CNTNAP5: variants seen among roughly 807,000 people sequenced by gnomAD.
CNTNAP5 encodes contactin-associated protein-like 5.
A neutral mutation model predicts 150.2 loss-of-function variants in CNTNAP5; 72 were observed. The ratio of observed to expected loss-of-function variants is 0.48; its 90% CI spans 0.40 to 0.58. CNTNAP5 has a LOEUF of 0.58. Ranked by LOEUF, CNTNAP5 falls within the 20% of genes least tolerant of loss-of-function variation. The pLI, the probability that CNTNAP5 is intolerant of heterozygous loss-of-function variation, is 0.00. For missense variants in CNTNAP5, 1,636 were observed against 1,626.2 expected (o/e 1.01, Z -0.10); for synonymous variants, 672 against 619.8 (o/e 1.08, Z -1.25).
intron 10 of CNTNAP5, among the ~76,000 whole-genome samples, chr2:124,536,768 C>T (rs1234514787): frequency 2.0e-5 from 3 of 151,864 alleles, no homozygotes; most frequent in Admixed American, 6.6e-5. Flanking sequence ...GTTGGATTTA[C>T]GGGGGTCAAG....
chr2:124,240,072 T>C (rs1222760605), intron 2 of CNTNAP5, among the ~76,000 whole-genome samples: 1 of 152,162 alleles, frequency 6.6e-6, no homozygotes, highest in Non-Finnish European at 1.5e-5. Context: ...GGGTGCCAAA[T>C]TTTCCAAACT....
At chr2:124,865,217 C>T in intron 19 of CNTNAP5, 89 bp from the exon 20 acceptor site, 2 of 1,051,520 alleles carry the variant, frequency 1.9e-6, no homozygotes, top group South Asian at 3.4e-5. Context: ...ACCTGGGGCC[C>T]TAATAATCAA....
intron 13 of CNTNAP5, 104 bp from the exon 14 acceptor site, chr2:124,747,125 A>C (rs1680619313): frequency 2.9e-6 from 3 of 1,042,426 alleles, no homozygotes; most frequent in African/African-American, 1.6e-5. Flanking sequence ...GAGATTATCT[A>C]TATACATCTA....
At chr2:124,047,104 G>T (rs1011767357) in intron 1 of CNTNAP5, among the ~76,000 whole-genome samples, 4 of 152,102 alleles carry the variant, frequency 2.6e-5, no homozygotes, top group African/African-American at 9.7e-5. Flanking sequence ...CAAGTGATGA[G>T]GATGGCCTAA....
chr2:124,571,531 T>TTTTTTTTC (rs1558959195), intron 11 of CNTNAP5, among the ~76,000 whole-genome samples: 22 of 91,652 alleles, frequency 2.4e-4, no homozygotes, highest in Non-Finnish European at 4.5e-4. Context: ...TTTTTTCTTT[T>TTTTTTTTC]TTTTTTTTTT....
intron 1 of CNTNAP5, among the ~76,000 whole-genome samples, chr2:124,173,408 C>G (rs528765375): frequency 2.6e-5 from 4 of 152,170 alleles, no homozygotes; most frequent in Non-Finnish European, 4.4e-5. Flanking sequence ...TACCAGTTAG[C>G]TAAGTTCTGA....
chr2:124,038,226 C>T (rs986556034), intron 1 of CNTNAP5, among the ~76,000 whole-genome samples: 2 of 152,162 alleles, frequency 1.3e-5, no homozygotes, highest in Non-Finnish European at 2.9e-5. Context: ...CTTGTACATA[C>T]CTGCTTTCAT....
intron 21 of CNTNAP5, among the ~76,000 whole-genome samples, chr2:124,883,083 T>G (rs1168114561): frequency 6.6e-6 from 1 of 151,354 alleles, no homozygotes; most frequent in Non-Finnish European, 1.5e-5. Flanking sequence ...TTTTTTTTTT[T>G]TTTTTGAGAC....
intron 3 of CNTNAP5, among the ~76,000 whole-genome samples, chr2:124,334,396 G>C (rs1244497609): frequency 5.3e-5 from 8 of 152,030 alleles, no homozygotes; most frequent in Non-Finnish European, 1.5e-5. Context: ...TTTCAGAAAG[G>C]CCTATGGAGT....
chr2:124,417,515 G>T lies in CNTNAP5; in HGVS notation c.454G>T (p.Val152Phe). 3 of 1,613,868 alleles carry T rather than the reference G, an allele frequency of 1.9e-6. No individual in the cohort carries two copies. Among genetic ancestry groups the T allele is most frequent in the East Asian group, 2.2e-5 (1 of 44,850 alleles). Reference sequence around the variant, plus strand: ...ATTGCACTCAGTGAGAGCCCGATTTGTTCGCTTTGTGCCCCTGGAATGGAA... The same window carrying T: ...ATTGCACTCAGTGAGAGCCCGATTTTTTCGCTTTGTGCCCCTGGAATGGAA... ...KLLHSVRARF[V>F]RFVPLEWNPS... The change falls in exon 4 of 24, where the codon GTT becomes TTT. Residue 152 changes from valine (V) to phenylalanine (F), a missense_variant. By Grantham distance (50) the Val-to-Phe change is conservative. Transcript: ENST00000682447.
intron 1 of CNTNAP5, among the ~76,000 whole-genome samples, chr2:124,186,101 A>C (rs1317918002): frequency 6.6e-6 from 1 of 152,202 alleles, no homozygotes; most frequent in Non-Finnish European, 1.5e-5. Context: ...GCTGGGCCTT[A>C]GGGTCCTGAG....
At position 124,536,155 on chromosome 2, in the gene CNTNAP5, A is replaced by G. The variant is rs548594295; in HGVS notation, c.1649+8699A>G. ...ATGCTGTTCTCCCTTAACTCATGGG[A>G]TGGGGCCAAAATCAAAACAAGATCA... On this transcript the variant is annotated intron_variant, in intron 10 of 23. Coordinates refer to ENST00000682447, the MANE Select transcript of CNTNAP5 (RefSeq NM_001367498.1). Among the ~76,000 whole-genome samples, 182 of 152,298 alleles carry G rather than the reference A, an allele frequency of 1.2e-3. 2 individuals carry two copies. The highest frequency in any genetic ancestry group is 4.1e-3 in the African/African-American group (171 of 41,578).
intron 3 of CNTNAP5, among the ~76,000 whole-genome samples, chr2:124,304,321 G>A (rs957463569): frequency 1.3e-5 from 2 of 152,184 alleles, no homozygotes; most frequent in African/African-American, 4.8e-5. Context: ...AAACACTTCT[G>A]TGAAGCACTA....
chr2:124,383,307 C>T (rs1428515807), intron 3 of CNTNAP5, among the ~76,000 whole-genome samples: 1 of 152,166 alleles, frequency 6.6e-6, no homozygotes, highest in African/African-American at 2.4e-5. Flanking sequence ...ATTAGACTTG[C>T]AGACGGGAAA....
chr2:124,779,356 C>G (rs1681400345), intron 17 of CNTNAP5, among the ~76,000 whole-genome samples: 2 of 152,192 alleles, frequency 1.3e-5, no homozygotes, highest in Non-Finnish European at 2.9e-5. Flanking sequence ...CACTTTTCTG[C>G]CCATTCATAC....
intron 16 of CNTNAP5, among the ~76,000 whole-genome samples, chr2:124,769,842 T>G (rs1043047661): frequency 3.9e-5 from 6 of 152,136 alleles, no homozygotes; most frequent in Non-Finnish European, 7.4e-5. Flanking sequence ...AGGTACAGCT[T>G]ACTACCTGTA....
At chr2:124,067,849 T>C (rs1049944462) in intron 1 of CNTNAP5, among the ~76,000 whole-genome samples, 1 of 152,206 alleles carries the variant, frequency 6.6e-6, no homozygotes, top group African/African-American at 2.4e-5. Flanking sequence ...TTTCCTATCA[T>C]TTAAAAGCCT....
intron 6 of CNTNAP5, among the ~76,000 whole-genome samples, chr2:124,470,395 T>C (rs1179268066): frequency 6.6e-6 from 1 of 152,164 alleles, no homozygotes; most frequent in African/African-American, 2.4e-5. Context: ...GTTCATGTCT[T>C]TTGCCCCACT....
At chr2:124,883,575 T>G (rs972555849) in intron 21 of CNTNAP5, among the ~76,000 whole-genome samples, 9 of 152,232 alleles carry the variant, frequency 5.9e-5, no homozygotes, top group Admixed American at 5.9e-4. Flanking sequence ...ACTCTGGGTA[T>G]AGCAATGTTT....
Sources: gnomAD v4.1 joint callset for allele counts (sites outside exome capture counted in the v4.1 genomes callset) on GRCh38, gnomAD v4.1.1 for gene constraint, MANE v1.5 for transcripts, NCBI Gene and HGNC (gene_info 2026-07-23, HGNC 2026-07-21) for gene names.